LRP1B: variants seen among roughly 807,000 people sequenced by gnomAD.
LRP1B encodes low-density lipoprotein receptor-related protein 1B.
LRP1B carries 217 observed loss-of-function variants against 556.6 expected under a neutral mutation model. That is an observed-to-expected ratio of 0.39 (90% CI 0.35 to 0.44). The LOEUF is 0.44. Among genes scored for constraint, LRP1B ranks in the 20% least tolerant of loss-of-function variants. The pLI is 1.00. For synonymous variants in LRP1B, 2,047 were observed against 1,865.8 expected (o/e 1.10, Z -2.50); for missense variants, 5,053 against 5,620.8 (o/e 0.90, Z 3.23).
chr2:142,044,467 G>A (rs1373692255), intron 1 of LRP1B, among the ~76,000 whole-genome samples: 3 of 151,728 alleles, frequency 2.0e-5, no homozygotes, highest in Non-Finnish European at 4.4e-5. Context: ...TCCTCCTGCA[G>A]AGCAGAAAGA....
At chr2:141,355,720 A>T (rs1037010850) in intron 3 of LRP1B, among the ~76,000 whole-genome samples, 1 of 152,152 alleles carries the variant, frequency 6.6e-6, no homozygotes, top group East Asian at 1.9e-4. Flanking sequence ...GAAAATATAA[A>T]TCCCAGTAAC....
chr2:141,624,462 GC>G (rs1295775589), intron 2 of LRP1B, among the ~76,000 whole-genome samples: 8 of 152,094 alleles, frequency 5.3e-5, no homozygotes, highest in Non-Finnish European at 8.8e-5. Flanking sequence ...GTTTGGAATA[GC>G]TAATATATAC....
At chr2:141,420,819 A>C (rs1435722620) in intron 3 of LRP1B, among the ~76,000 whole-genome samples, 1 of 152,302 alleles carries the variant, frequency 6.6e-6, no homozygotes, top group Non-Finnish European at 1.5e-5. Context: ...TACACACTAT[A>C]CTTGTTTCAT....
intron 20 of LRP1B, among the ~76,000 whole-genome samples, chr2:140,938,140 G>T (rs1296425505): frequency 6.6e-6 from 1 of 151,642 alleles, no homozygotes; most frequent in African/African-American, 2.4e-5. Flanking sequence ...AGCTTGCTGA[G>T]ACCTTTTCCT....
At chr2:140,832,565 A>G (rs1691753312) in intron 31 of LRP1B, among the ~76,000 whole-genome samples, 1 of 152,228 alleles carries the variant, frequency 6.6e-6, no homozygotes, top group Admixed American at 6.5e-5. Context: ...TTCAGCCATA[A>G]AAAAGAATGA....
chr2:140,622,334 G>A (rs1683487078), intron 41 of LRP1B, among the ~76,000 whole-genome samples: 1 of 152,052 alleles, frequency 6.6e-6, no homozygotes, highest in South Asian at 2.1e-4. Flanking sequence ...TACAGCTTCT[G>A]GATTGTTTTA....
chr2:140,958,475 A>C (rs1695940385), intron 18 of LRP1B, among the ~76,000 whole-genome samples: 2 of 151,640 alleles, frequency 1.3e-5, no homozygotes, highest in Non-Finnish European at 3.0e-5. Context: ...GAATTACTAA[A>C]CTGGAAGATC....
intron 7 of LRP1B, among the ~76,000 whole-genome samples, chr2:141,166,047 A>G (rs1479024272): frequency 6.6e-6 from 1 of 151,896 alleles, no homozygotes; most frequent in Admixed American, 6.6e-5. Flanking sequence ...GAGGCTCCCC[A>G]CTAATCTCCC....
At chr2:142,115,537 C>CAT (rs1559079563) in intron 1 of LRP1B, among the ~76,000 whole-genome samples, 660 of 14,694 alleles carry the variant, frequency 0.045, 91 homozygotes, top group Non-Finnish European at 0.06. Flanking sequence ...ATATATATTA[C>CAT]ATATGTAATA....
At chr2:141,143,674 A>G (rs1195469656) in intron 7 of LRP1B, among the ~76,000 whole-genome samples, 1 of 152,058 alleles carries the variant, frequency 6.6e-6, no homozygotes, top group Non-Finnish European at 1.5e-5. Flanking sequence ...ATTCATCAGA[A>G]CTGCCTTTTC....
At chr2:141,446,597 C>A (rs1681201506) in intron 3 of LRP1B, among the ~76,000 whole-genome samples, 1 of 152,136 alleles carries the variant, frequency 6.6e-6, no homozygotes, top group Non-Finnish European at 1.5e-5. Flanking sequence ...TCTTGTAAGG[C>A]AGGCCTGGTG....
chr2:140,998,123 A>AGGAATATATCTGG (rs1484627943), intron 15 of LRP1B, among the ~76,000 whole-genome samples: 1 of 152,028 alleles, frequency 6.6e-6, no homozygotes, highest in Non-Finnish European at 1.5e-5. Context: ...TTCTTGACAG[A>AGGAATATATCTGG]GGAATATATC....
intron 5 of LRP1B, among the ~76,000 whole-genome samples, chr2:141,235,039 A>G (rs542233993): frequency 1.3e-5 from 2 of 152,252 alleles, no homozygotes; most frequent in African/African-American, 2.4e-5. Flanking sequence ...ATTCAGAATA[A>G]TGACATACTG....
At position 140,274,382 on chromosome 2, in the gene LRP1B, G is replaced by T. The variant is rs1419545736; in HGVS notation, c.13142+42C>A. On this transcript the variant is annotated intron_variant, in intron 85 of 90. Transcript: ENST00000389484. ...TATTACTGAACTGCAATGTCCATTG[G>T]TGTCCAAATGCTTTTATAAATTAAG... 4 of 1,538,030 alleles carry T rather than the reference G, an allele frequency of 2.6e-6. No individual in the cohort carries two copies. The Admixed American group carries it at 5.0e-5, about 19-fold the overall frequency.
At chr2:141,269,390 AT>A (rs535257668) in intron 3 of LRP1B, among the ~76,000 whole-genome samples, 133 of 152,296 alleles carry the variant, frequency 8.7e-4, no homozygotes, top group African/African-American at 2.9e-3. Context: ...GCAAAAAAGC[AT>A]TTTTTTAAAC....
chr2:141,667,294 A>G (rs942531623), intron 2 of LRP1B, among the ~76,000 whole-genome samples: 1 of 152,202 alleles, frequency 6.6e-6, no homozygotes, highest in African/African-American at 2.4e-5. Flanking sequence ...TCAAATTTCA[A>G]TTAGGATTTC....
At chr2:141,701,546 G>T (rs1170738475) in intron 2 of LRP1B, among the ~76,000 whole-genome samples, 1 of 151,682 alleles carries the variant, frequency 6.6e-6, no homozygotes, top group Non-Finnish European at 1.5e-5. Flanking sequence ...GATGTCCTTG[G>T]GAAAGCACAA....
chr2:140,427,521 T>C (rs954950707), intron 66 of LRP1B, among the ~76,000 whole-genome samples: 1 of 152,198 alleles, frequency 6.6e-6, no homozygotes, highest in Admixed American at 6.5e-5. Flanking sequence ...TTGACCTCAA[T>C]ACAAACTCGA....
chr2:141,770,789 C>T (rs1694876593), intron 2 of LRP1B, among the ~76,000 whole-genome samples: 1 of 152,086 alleles, frequency 6.6e-6, no homozygotes, highest in Non-Finnish European at 1.5e-5. Flanking sequence ...ACTTGGAACC[C>T]CTATTGATAT....
Sources: gnomAD v4.1 joint callset for allele counts (sites outside exome capture counted in the v4.1 genomes callset) on GRCh38, gnomAD v4.1.1 for gene constraint, MANE v1.5 for transcripts, NCBI Gene and HGNC (gene_info 2026-07-23, HGNC 2026-07-21) for gene names.